Variants in RGMB observed in about 807,000 individuals in gnomAD.
RGMB encodes the protein repulsive guidance molecule BMP co-receptor b, also known as repulsive guidance molecule B.
RGMB carries 16 observed loss-of-function variants against 26.9 expected under a neutral mutation model. The observed-to-expected ratio is 0.60, with a 90% CI of 0.40 to 0.90. RGMB has a LOEUF of 0.90. Ranked by LOEUF, RGMB falls within the 40% of genes least tolerant of loss-of-function variation. The pLI is 0.00. For synonymous variants in RGMB, 225 were observed against 229.3 expected, an observed-to-expected ratio of 0.98 and a Z score of 0.17; for missense variants, 512 against 573.3, an observed-to-expected ratio of 0.89 and a Z score of 1.09.
At chr5:98,772,916 CTT>C (rs1055526237), upstream of RGMB, 4 of 152,242 alleles carry the variant, frequency 2.6e-5, no homozygotes, top group Admixed American at 2.6e-4. Flanking sequence ...TTTGCCCACT[CTT>C]AGACCTCTCC....
rs1287731399 is a variant in RGMB at position 98,773,945 on chromosome 5, G to A, written c.-126G>A. Reference sequence around the variant, plus strand: ...TGGTGGCGCCCCATCTGCTACACGGGCCTGAAGAAGGAAGAAGAGGAAGCG... The same window carrying A: ...TGGTGGCGCCCCATCTGCTACACGGACCTGAAGAAGGAAGAAGAGGAAGCG... On this transcript the variant is annotated 5_prime_UTR_variant, in exon 1 of 3. Coordinates refer to ENST00000513185, the MANE Select transcript of RGMB (RefSeq NM_001366508.1). 6.5e-6 allele frequency: 4 copies of A among 616,370 alleles called. No individual in the cohort carries two copies. Among genetic ancestry groups the A allele is most frequent in the South Asian group, 3.6e-5 (2 of 56,084 alleles). The allele number at this position is 616,370 out of a possible 1,614,324, so 38.2% of individuals were successfully genotyped here.
chr5:98,787,178 T>TG (rs1310206835), intron 2 of RGMB, among the ~76,000 whole-genome samples: 1 of 152,230 alleles, frequency 6.6e-6, no homozygotes, highest in African/African-American at 2.4e-5. Flanking sequence ...CTTCTTGAAA[T>TG]GCATGGTAAC....
chr5:98,771,574 C>T (rs1746165282), upstream of RGMB: 1 of 152,200 alleles, frequency 6.6e-6, no homozygotes, highest in African/African-American at 2.4e-5. Context: ...CGGCTGAACA[C>T]TTATGCAGCA....
At chr5:98,772,075 CTCTAA>C (rs1241489088), upstream of RGMB, among the ~76,000 whole-genome samples, 4 of 152,120 alleles carry the variant, frequency 2.6e-5, no homozygotes, top group Non-Finnish European at 1.5e-5. Flanking sequence ...TAAATTTTTG[CTCTAA>C]TAATACTTAG....
In RGMB at chr5:98,794,341, T is replaced by C. The variant is rs764180218; in HGVS notation, c.*588T>C. On this transcript the variant is annotated 3_prime_UTR_variant, in exon 3 of 3. Transcript: ENST00000513185. ...CTGATCTTAAGAAGCTCTCTTCATC[T>C]AAGAGCTGTTACTTTTTCAGAAGGG... 2 of 152,252 alleles carry C rather than the reference T, an allele frequency of 1.3e-5. No homozygotes were observed. The highest frequency in any genetic ancestry group is 2.9e-5 in the Non-Finnish European group (2 of 68,078). 9.4% of individuals were successfully genotyped at this position (152,252 alleles called of 1,614,324 possible).
chr5:98,774,106 T>TGCCGCCGCC lies in RGMB; in HGVS notation c.38_46dup (p.Ala13_Ala15dup), dbSNP rs1746293317. ...GAGCAGCACCTTCCAGCGCCGCCGC[T>TGCCGCCGCC]GCCGCCGCCGAGGTTGAGCAGCGCC... On this transcript the variant is annotated inframe_insertion, in exon 1 of 3. Coordinates refer to ENST00000513185, the MANE Select transcript of RGMB (RefSeq NM_001366508.1). 3.8e-6 allele frequency: 5 copies of TGCCGCCGCC among 1,322,212 alleles called. No individual in the cohort carries two copies. Among genetic ancestry groups the TGCCGCCGCC allele is most frequent in the South Asian group, 1.3e-5 (1 of 77,570 alleles). 81.9% of individuals were successfully genotyped at this position (1,322,212 alleles called of 1,614,324 possible).
chr5:98,790,928 C>T (rs1380961467), intron 2 of RGMB, among the ~76,000 whole-genome samples: 2 of 152,128 alleles, frequency 1.3e-5, no homozygotes, highest in Admixed American at 6.5e-5. Flanking sequence ...TGACTTTCAA[C>T]TTTTTCAGGT....
intron 2 of RGMB, among the ~76,000 whole-genome samples, chr5:98,790,991 T>TAA (rs200889596): frequency 2.0e-5 from 3 of 150,754 alleles, no homozygotes; most frequent in African/African-American, 2.4e-5. Flanking sequence ...CAGCATGCCT[T>TAA]AAAAAAAAAC....
rs570511542 is a variant in RGMB at position 98,794,184 on chromosome 5, G to T, written c.*431G>T. The T allele has an allele frequency of 6.5e-6, 1 of 153,836 alleles. No homozygotes were observed. Among genetic ancestry groups the T allele is most frequent in the East Asian group, 1.9e-4 (1 of 5,214 alleles). The allele number at this position is 153,836 out of a possible 1,614,324, so 9.5% of individuals were successfully genotyped here. On this transcript the variant is annotated 3_prime_UTR_variant, in exon 3 of 3. Coordinates refer to ENST00000513185, the MANE Select transcript of RGMB (RefSeq NM_001366508.1). The stretch of plus-strand genomic sequence containing the variant: ...TTTCCCATTGCTACTGATTTGCCAC[G>T]GTGTGCAGCTTTTACTCGCCACCTT...
chr5:98,788,510 T>G (rs1746829336), intron 2 of RGMB, among the ~76,000 whole-genome samples: 1 of 152,192 alleles, frequency 6.6e-6, no homozygotes, highest in South Asian at 2.1e-4. Context: ...TCTCCTGGGT[T>G]TTGCATGAAA....
At position 98,793,913 on chromosome 5, in the gene RGMB, G is replaced by T; in HGVS notation, c.*160G>T. The T allele has an allele frequency of 1.7e-6, 1 of 593,556 alleles. No individual in the cohort carries two copies. Among genetic ancestry groups the T allele is most frequent in the Non-Finnish European group, 2.8e-6 (1 of 351,612 alleles). 36.8% of individuals were successfully genotyped at this position (593,556 alleles called of 1,614,324 possible). ...CACCAGATTGTACATACTGTGTTTG[G>T]CTGTTTTCACATATGTTGGATGTAG... is the stretch of plus-strand genomic sequence containing the variant. On this transcript the variant is annotated 3_prime_UTR_variant, in exon 3 of 3. Transcript: ENST00000513185.
At chr5:98,790,273 C>T (rs911998137) in intron 2 of RGMB, among the ~76,000 whole-genome samples, 2 of 152,202 alleles carry the variant, frequency 1.3e-5, no homozygotes, top group African/African-American at 2.4e-5. Context: ...AATCAATTCA[C>T]CCCCCTCAGC....
Position 98,780,015 on chromosome 5 carries a change from A to C in RGMB, c.572A>C (p.Asp191Ala). Residue 191 changes from aspartate (D) to alanine (A), a missense_variant, in exon 2 of 3, where the codon GAT becomes GCT. Physicochemically the swap from Asp to Ala is moderately radical, Grantham distance 126 (BLOSUM62 -2). Transcript: ENST00000513185. ...CKVEGAWPLIDNNYLSVQVTN... is the reference protein window; with the variant it reads ...CKVEGAWPLIANNYLSVQVTN... ...GTAGAAGGGGCCTGGCCACTCATAGATAATAATTATCTTTCAGTTCAAGTG... is the reference window on the plus strand; with the variant it reads ...GTAGAAGGGGCCTGGCCACTCATAGCTAATAATTATCTTTCAGTTCAAGTG... 6.2e-7 allele frequency: 1 copy of C among 1,613,934 alleles called. No individual in the cohort carries two copies. The highest frequency in any genetic ancestry group is 8.5e-7 in the Non-Finnish European group (1 of 1,179,868).
intron 2 of RGMB, among the ~76,000 whole-genome samples, chr5:98,786,766 A>T (rs767846646): frequency 2.6e-5 from 4 of 152,246 alleles, no homozygotes; most frequent in Non-Finnish European, 1.5e-5. Flanking sequence ...AAGCTAACAT[A>T]CATCTAAGTT....
At chr5:98,781,631 A>G (rs1275082420) in intron 2 of RGMB, among the ~76,000 whole-genome samples, 1 of 152,310 alleles carries the variant, frequency 6.6e-6, no homozygotes, top group Non-Finnish European at 1.5e-5. Context: ...CAATTGTGCA[A>G]ATAATTGAGG....
chr5:98,773,895 G>T lies in RGMB; in HGVS notation c.-176G>T. 1.9e-6 allele frequency: 1 copy of T among 522,514 alleles called. No homozygotes were observed. Among genetic ancestry groups the T allele is most frequent in the Non-Finnish European group, 3.3e-6 (1 of 298,862 alleles). 32.4% of individuals were successfully genotyped at this position (522,514 alleles called of 1,614,324 possible). A position where few individuals can be genotyped will look rare whatever the true frequency, so the allele number is the denominator to read the frequency against. ...GCTGCCGCCGCGGACTGGCTGCGCC[G>T]GCTGCGCGCTGCTTGCTGCGGCGGT... On this transcript the variant is annotated 5_prime_UTR_variant, in exon 1 of 3. Coordinates refer to ENST00000513185, the MANE Select transcript of RGMB (RefSeq NM_001366508.1).
rs934716982 is a variant in RGMB, at chr5:98,774,184, C to G, written c.114C>G (p.Phe38Leu). 4 of 1,493,876 alleles carry G rather than the reference C, an allele frequency of 2.7e-6. No individual in the cohort carries two copies. In the Admixed American group the frequency reaches 6.5e-5, roughly 24 times the overall value. 92.5% of individuals were successfully genotyped at this position (1,493,876 alleles called of 1,614,324 possible). The change falls in exon 1 of 3, where the codon TTC becomes TTG. Residue 38 changes from phenylalanine (F) to leucine (L), a missense_variant. Transcript: ENST00000513185. Reference sequence around the variant, plus strand: ...TGGAGCTGCTGCTGCTGCTGCTGTTCAGCCTCGGGCTGCTCCACGCAGGTA... The same window carrying G: ...TGGAGCTGCTGCTGCTGCTGCTGTTGAGCCTCGGGCTGCTCCACGCAGGTA... ...PPLELLLLLL[F>L]SLGLLHAGDC...
chr5:98,779,749 C>A lies in RGMB; in HGVS notation c.306C>A (p.Asn102Lys). ...TQRTSKACRG[N>K]LVYHSAVLGI... ...GAACTTCAAAAGCCTGCCGTGGCAA[C>A]CTGGTATACCATTCTGCCGTGTTGG... The change falls in exon 2 of 3, where the codon AAC becomes AAA. Residue 102 changes from asparagine to lysine, a missense_variant. Transcript: ENST00000513185. The A allele has an allele frequency of 6.2e-7, 1 of 1,613,948 alleles. No individual in the cohort carries two copies. The highest frequency in any genetic ancestry group is 8.5e-7 in the Non-Finnish European group (1 of 1,179,824).
chr5:98,781,813 T>C (rs1260426144), intron 2 of RGMB, among the ~76,000 whole-genome samples: 15 of 152,256 alleles, frequency 9.9e-5, no homozygotes, highest in Admixed American at 9.8e-4. Context: ...TTACTGATTA[T>C]GGTGAAAATA....
Sources: gnomAD v4.1 joint callset for allele counts (sites outside exome capture counted in the v4.1 genomes callset) on GRCh38, gnomAD v4.1.1 for gene constraint, MANE v1.5 for transcripts, NCBI Gene and HGNC (gene_info 2026-07-23, HGNC 2026-07-21) for gene names.